The following FRMD1 variants were observed in gnomAD, a reference collection of about 807,000 sequenced individuals.
The protein encoded by FRMD1 is FERM domain containing 1.
In FRMD1, 51 loss-of-function variants were observed where a neutral mutation model predicts 54.9. The ratio of observed to expected loss-of-function variants is 0.93; its 90% CI spans 0.74 to 1.17. The LOEUF is 1.17. Ranked by LOEUF, FRMD1 falls within the 50% of genes most tolerant of loss-of-function variation. FRMD1 has a pLI of 0.00. For missense variants in FRMD1, 729 were observed against 743.0 expected, an observed-to-expected ratio of 0.98 and a Z score of 0.22; for synonymous variants, 324 against 306.4, an observed-to-expected ratio of 1.06 and a Z score of -0.60.
At chr6:168,092,009 A>G in intron 1 of FRMD1, among the ~76,000 whole-genome samples, 1 of 152,238 alleles carries the variant, frequency 6.6e-6, no homozygotes, top group East Asian at 1.9e-4. Flanking sequence ...TGAATGAGCC[A>G]GGCTCTGTCC....
At chr6:168,083,593 C>T (rs909908960), upstream of FRMD1, among the ~76,000 whole-genome samples, 1 of 152,238 alleles carries the variant, frequency 6.6e-6, no homozygotes, top group Non-Finnish European at 1.5e-5. Context: ...GCGTGAAGGG[C>T]AGCTGTGCAC....
upstream of FRMD1, among the ~76,000 whole-genome samples, chr6:168,084,763 A>G (rs1008532108): frequency 6.6e-6 from 1 of 152,186 alleles, no homozygotes; most frequent in Admixed American, 6.5e-5. Flanking sequence ...TTATCCTCCC[A>G]AGACCAAGAC....
At chr6:168,070,510 T>C (rs993387083) in intron 2 of FRMD1, among the ~76,000 whole-genome samples, 2 of 152,096 alleles carry the variant, frequency 1.3e-5, no homozygotes, top group Non-Finnish European at 1.5e-5. Context: ...TGAGGTCCCC[T>C]CTGGAGGAAG....
At chr6:168,074,540 AGTGT>A (rs973383717) in intron 2 of FRMD1, among the ~76,000 whole-genome samples, 9 of 104,196 alleles carry the variant, frequency 8.6e-5, no homozygotes, top group Non-Finnish European at 1.7e-4. Flanking sequence ...ACATGTGAGT[AGTGT>A]GTAATTGTGT....
chr6:168,067,494 A>C, intron 2 of FRMD1, 48 bp from the exon 3 acceptor site: 29 of 1,209,206 alleles, frequency 2.4e-5, no homozygotes, highest in Non-Finnish European at 3.1e-5. Context: ...CATGCTTCTC[A>C]GGTGTCACCG....
intron 1 of FRMD1, among the ~76,000 whole-genome samples, chr6:168,092,416 G>C (rs561812020): frequency 6.6e-6 from 1 of 152,342 alleles, no homozygotes; most frequent in Admixed American, 6.5e-5. Context: ...GGGCCTTTGG[G>C]AGGTGATGTG....
chr6:168,087,474 C>T (rs929080682), intron 1 of FRMD1, among the ~76,000 whole-genome samples: 7 of 152,236 alleles, frequency 4.6e-5, no homozygotes, highest in African/African-American at 1.4e-4. Context: ...ATAACAATGT[C>T]AGTCAACCCA....
At chr6:168,074,498 GGT>G (rs201319913) in intron 2 of FRMD1, among the ~76,000 whole-genome samples, 2 of 146,150 alleles carry the variant, frequency 1.4e-5, no homozygotes, top group African/African-American at 5.0e-5. Context: ...ATGTGTGACT[GGT>G]GTGTGCATGT....
chr6:168,091,996 C>G (rs1211987766), intron 1 of FRMD1, among the ~76,000 whole-genome samples: 2 of 152,248 alleles, frequency 1.3e-5, no homozygotes, highest in Non-Finnish European at 2.9e-5. Flanking sequence ...CCCGTGAGGT[C>G]CTTGAATGAG....
upstream of FRMD1, among the ~76,000 whole-genome samples, chr6:168,084,073 G>A (rs1800879805): frequency 1.3e-5 from 2 of 152,206 alleles, no homozygotes; most frequent in South Asian, 4.1e-4. Flanking sequence ...CAACTCCCAC[G>A]GCCTCCCAGG....
intron 8 of FRMD1, among the ~76,000 whole-genome samples, chr6:168,061,269 AAC>A (rs1799718275): frequency 1.3e-5 from 2 of 151,894 alleles, no homozygotes; most frequent in Non-Finnish European, 2.9e-5. Flanking sequence ...GCCTGTGGTA[AAC>A]GCTGAGGCGA....
chr6:168,060,954 G>T lies in FRMD1; in HGVS notation c.1149C>A (p.His383Gln), dbSNP rs113624371. ...GSGVSSQHCP[H>Q]CLSRHSADSH... Reference sequence around the variant, plus strand: ...TGTCGGCGGAGTGGCGTGAGAGGCAGTGGGGGCAGTGCTGGCTGCTGACCC... The same window carrying T: ...TGTCGGCGGAGTGGCGTGAGAGGCATTGGGGGCAGTGCTGGCTGCTGACCC... Residue 383 changes from histidine (H) to glutamine (Q), a missense_variant, in exon 9 of 11, where the codon CAC becomes CAA. Coordinates refer to ENST00000283309, the MANE Select transcript of FRMD1 (RefSeq NM_024919.6). 0.011 allele frequency: 16,997 copies of T among 1,613,392 alleles called. 131 individuals carry two copies. The highest frequency in any genetic ancestry group is 0.012 in the Non-Finnish European group (14,649 of 1,180,006).
intron 2 of FRMD1, 145 bp downstream of exon 2, chr6:168,075,100 C>G (rs1800519919): frequency 2.9e-6 from 2 of 693,596 alleles, no homozygotes; most frequent in Non-Finnish European, 5.2e-6. Context: ...TGTAACTGTG[C>G]ATTGTGCATG....
upstream of FRMD1, chr6:168,081,799 G>C (rs1800836261): frequency 2.5e-6 from 1 of 402,374 alleles, no homozygotes; most frequent in East Asian, 3.7e-5. Context: ...AGGGACTGCA[G>C]AGGGGCGAGG....
chr6:168,087,104 G>A (rs1187567376), intron 1 of FRMD1, among the ~76,000 whole-genome samples: 1 of 150,726 alleles, frequency 6.6e-6, no homozygotes, highest in Non-Finnish European at 1.5e-5. Flanking sequence ...GTCTTGCTCT[G>A]TTGCCCAGGC....
At chr6:168,078,787 GCCAC>G in intron 1 of FRMD1, 91 bp downstream of exon 1, 3 of 84,038 alleles carry the variant, frequency 3.6e-5, no homozygotes, top group Non-Finnish European at 5.3e-5. Flanking sequence ...CACCCCCACG[GCCAC>G]CCAGGGCCCT....
At chr6:168,091,971 A>G (rs889295671) in intron 1 of FRMD1, among the ~76,000 whole-genome samples, 2 of 152,260 alleles carry the variant, frequency 1.3e-5, no homozygotes, top group Non-Finnish European at 2.9e-5. Flanking sequence ...TGTCCAGCAC[A>G]GGCCAGTCGG....
At chr6:168,079,570 G>A (rs146787097), upstream of FRMD1, among the ~76,000 whole-genome samples, 388 of 152,318 alleles carry the variant, frequency 2.5e-3, 5 homozygotes, top group Non-Finnish European at 1.8e-3. Flanking sequence ...AGGAGGGCGG[G>A]AGGAAGGCAG....
intron 8 of FRMD1, among the ~76,000 whole-genome samples, chr6:168,061,565 T>C (rs1048143443): frequency 1.3e-5 from 2 of 152,204 alleles, no homozygotes; most frequent in African/African-American, 4.8e-5. Context: ...AACTGAGAAG[T>C]GGAAACCTCA....
Sources: allele counts gnomAD v4.1 joint callset (sites outside exome capture counted in the v4.1 genomes callset), GRCh38; gene constraint gnomAD v4.1.1; transcripts MANE v1.5; gene names NCBI Gene and HGNC (gene_info 2026-07-23, HGNC 2026-07-21).